The following PRKD3 variants were observed in gnomAD, a reference collection of about 807,000 sequenced individuals.
The protein encoded by PRKD3 is protein kinase D3.
In PRKD3, 47 loss-of-function variants were observed where a neutral mutation model predicts 99.2. The ratio of observed to expected loss-of-function variants is 0.47; its 90% CI spans 0.38 to 0.60. The LOEUF is 0.60. PRKD3 is among the 20% of genes least tolerant of loss of function. The probability of loss-of-function intolerance (pLI) is 0.00; values close to 1 mark genes in which losing one functional copy is unlikely to be tolerated. For missense variants in PRKD3, 1,019 were observed against 1,088.4 expected (o/e 0.94, Z 0.90); for synonymous variants, 392 against 355.4 (o/e 1.10, Z -1.16).
chr2:37,274,281 A>G, intron 11 of PRKD3, 140 bp downstream of exon 11: 1 of 919,038 alleles, frequency 1.1e-6, no homozygotes, highest in East Asian at 2.6e-5. Context: ...GAGTTAACTA[A>G]TTGTATTGGT....
intron 1 of PRKD3, among the ~76,000 whole-genome samples, chr2:37,320,423 CTTTTTTTTTTTTT>C (rs35158902): frequency 7.7e-5 from 6 of 78,162 alleles, no homozygotes; most frequent in South Asian, 5.1e-4. Context: ...AAGTTAACGA[CTTTTTTTTTTTTT>C]TTTTTTTTTT....
At chr2:37,297,978 TTGAAGG>T (rs1444674277) in intron 2 of PRKD3, among the ~76,000 whole-genome samples, 5 of 152,204 alleles carry the variant, frequency 3.3e-5, no homozygotes, top group Admixed American at 3.3e-4. Context: ...TTTCCTTTCC[TTGAAGG>T]TGGAGTATCT....
chr2:37,258,302 C>G (rs1454738919), intron 16 of PRKD3, among the ~76,000 whole-genome samples: 1 of 152,170 alleles, frequency 6.6e-6, no homozygotes, highest in Non-Finnish European at 1.5e-5. Context: ...AATCTGGCTG[C>G]TTCTCGATTT....
intron 5 of PRKD3, among the ~76,000 whole-genome samples, chr2:37,288,384 A>G (rs1448879231): frequency 6.6e-6 from 1 of 152,210 alleles, no homozygotes; most frequent in East Asian, 1.9e-4. Context: ...CAGTAAGAGA[A>G]GATGGAATTT....
chr2:37,275,686 A>G, intron 10 of PRKD3, 81 bp downstream of exon 10: 1 of 1,411,838 alleles, frequency 7.1e-7, no homozygotes, highest in Non-Finnish European at 9.5e-7. Context: ...TATATATTCA[A>G]ATATAACAGT....
rs368391121 is a variant in PRKD3 at position 37,290,991 on chromosome 2, T to C, written c.436A>G (p.Thr146Ala). The part of the protein sequence containing the change: ...LVEVVLSALA[T>A]VEDFQIRPHT... The stretch of plus-strand genomic sequence containing the variant: ...GGACGAATCTGGAAGTCTTCTACTG[T>C]GGCTAAAGCTTTAAAAAAGAAAAGT... The change falls in exon 4 of 19, where the codon ACA becomes GCA. Residue 146 changes from threonine (T) to alanine (A), a missense_variant. Thr to Ala is a moderately conservative substitution (Grantham distance 58). Transcript: ENST00000234179. 7 of 1,601,038 alleles carry C rather than the reference T, an allele frequency of 4.4e-6. No homozygotes were observed. Among genetic ancestry groups the C allele is most frequent in the Non-Finnish European group, 6.0e-6 (7 of 1,175,116 alleles).
chr2:37,287,274 GAAA>G (rs1670159846), intron 5 of PRKD3, among the ~76,000 whole-genome samples: 1 of 98,764 alleles, frequency 1.0e-5, no homozygotes, highest in African/African-American at 5.1e-5. Flanking sequence ...AAAAGAAAAA[GAAA>G]AAGAAAAAGA....
intron 2 of PRKD3, among the ~76,000 whole-genome samples, chr2:37,295,591 T>C (rs573857102): frequency 1.3e-5 from 2 of 152,312 alleles, no homozygotes; most frequent in East Asian, 3.9e-4. Context: ...CTACTAACTA[T>C]AGCACCTTAG....
At chr2:37,261,547 A>G (rs530370749) in intron 14 of PRKD3, among the ~76,000 whole-genome samples, 1 of 151,816 alleles carries the variant, frequency 6.6e-6, no homozygotes. Flanking sequence ...TTGCGAGGCC[A>G]AGGCAGGCGG....
At chr2:37,256,082 G>C (rs560842991) in intron 17 of PRKD3, among the ~76,000 whole-genome samples, 34 of 152,284 alleles carry the variant, frequency 2.2e-4, no homozygotes, top group African/African-American at 7.7e-4. Flanking sequence ...GTGTAGAGGA[G>C]TAGTCAGGGA....
chr2:37,254,642 T>C (rs1553363908), intron 17 of PRKD3, among the ~76,000 whole-genome samples: 1 of 152,202 alleles, frequency 6.6e-6, no homozygotes, highest in Non-Finnish European at 1.5e-5. Flanking sequence ...GTTGCTGACA[T>C]ATGTTAAGGG....
At chr2:37,256,004 C>T (rs543933840) in intron 17 of PRKD3, among the ~76,000 whole-genome samples, 9 of 151,944 alleles carry the variant, frequency 5.9e-5, no homozygotes, top group South Asian at 4.2e-4. Context: ...AGGGAGACCC[C>T]GTCTCAATAA....
Position 37,316,998 on chromosome 2 carries a change from TTGATAGGACACC to T in PRKD3, c.-486_-475del. Reference sequence around the variant, plus strand: ...AGTACTTTTCCTTTGGTTTACTAATTTGATAGGACACCTTCTCAAATGTCCACACCTTAAATC... The same window carrying T: ...AGTACTTTTCCTTTGGTTTACTAATTTTCTCAAATGTCCACACCTTAAATC... On this transcript the variant is annotated 5_prime_UTR_variant, in exon 2 of 19. Coordinates refer to ENST00000234179, the MANE Select transcript of PRKD3 (RefSeq NM_005813.6). 1.0e-6 allele frequency: 1 copy of T among 987,294 alleles called. No homozygotes were observed. The highest frequency in any genetic ancestry group is 1.2e-6 in the Non-Finnish European group (1 of 831,280). 61.2% of individuals were successfully genotyped at this position (987,294 alleles called of 1,614,324 possible). A position where few individuals can be genotyped will look rare whatever the true frequency, so the allele number is the denominator to read the frequency against.
At chr2:37,256,005 G>A (rs139588335) in intron 17 of PRKD3, among the ~76,000 whole-genome samples, 9 of 152,176 alleles carry the variant, frequency 5.9e-5, no homozygotes, top group Admixed American at 2.0e-4. Flanking sequence ...GGGAGACCCC[G>A]TCTCAATAAA....
intron 11 of PRKD3, among the ~76,000 whole-genome samples, chr2:37,272,737 C>T (rs767530966): frequency 3.9e-5 from 6 of 152,124 alleles, no homozygotes; most frequent in Non-Finnish European, 5.9e-5. Context: ...ACTGTAATCC[C>T]AGTGCATTAG....
At chr2:37,270,335 C>G (rs1352588351) in intron 12 of PRKD3, among the ~76,000 whole-genome samples, 3 of 135,282 alleles carry the variant, frequency 2.2e-5, no homozygotes, top group Middle Eastern at 3.5e-3. Flanking sequence ...AGGAGATTTG[C>G]TCTCATTGAT....
At chr2:37,265,488 TACAC>T (rs149325155) in intron 14 of PRKD3, among the ~76,000 whole-genome samples, 69 of 150,148 alleles carry the variant, frequency 4.6e-4, no homozygotes, top group African/African-American at 1.5e-3. Flanking sequence ...ATCTTTATAC[TACAC>T]ACACACACAC....
chr2:37,309,325 G>A (rs181692318), intron 2 of PRKD3, among the ~76,000 whole-genome samples: 1 of 152,072 alleles, frequency 6.6e-6, no homozygotes, highest in Non-Finnish European at 1.5e-5. Flanking sequence ...TCACTTAACT[G>A]TTCCTATCCC....
intron 1 of PRKD3, among the ~76,000 whole-genome samples, chr2:37,320,820 A>T (rs1198706585): frequency 1.3e-5 from 2 of 152,224 alleles, no homozygotes; most frequent in Non-Finnish European, 2.9e-5. Flanking sequence ...ACAGTGTTTA[A>T]TACAACTAAT....
Sources: allele counts gnomAD v4.1 joint callset (sites outside exome capture counted in the v4.1 genomes callset), GRCh38; gene constraint gnomAD v4.1.1; transcripts MANE v1.5; gene names NCBI Gene and HGNC (gene_info 2026-07-23, HGNC 2026-07-21).